ZBP1: variants seen among roughly 807,000 people sequenced by gnomAD.
ZBP1 encodes Z-DNA binding protein 1.
A neutral mutation model predicts 41.1 loss-of-function variants in ZBP1; 42 were observed. That is an observed-to-expected ratio of 1.02 (90% CI 0.80 to 1.32). ZBP1 has a LOEUF of 1.32. ZBP1 is among the 40% of genes most tolerant of loss of function. ZBP1 has a pLI of 0.00. For synonymous variants in ZBP1, 214 were observed against 205.2 expected (o/e 1.04, Z -0.37); for missense variants, 562 against 549.7 (o/e 1.02, Z -0.22).
Position 57,613,861 on chromosome 20 carries a change from G to A in ZBP1, c.503-531C>T, listed in dbSNP as rs1166155656. ...AGACCCCCTCGGGCACCCGTCATGA[G>A]TAGCAGAGTCAGCCCTGCAGAGGTT... On this transcript the variant is annotated intron_variant, in intron 4 of 7. Transcript: ENST00000371173. The surrounding 1 kb of genome is among the most constrained non-coding windows in gnomAD (Gnocchi z 4.5). 1.3e-5 allele frequency among the ~76,000 whole-genome samples: 2 copies of A among 152,228 alleles called. No homozygotes were observed. The highest frequency in any genetic ancestry group is 4.8e-5 in the African/African-American group (2 of 41,458).
rs769728493 is a variant in ZBP1, at chr20:57,616,478, C to T, written c.35-10G>A. 42 of 1,612,348 alleles carry T rather than the reference C, an allele frequency of 2.6e-5. No individual in the cohort carries two copies. The highest frequency in any genetic ancestry group is 1.4e-4 in the South Asian group (13 of 91,018). ...CTTTGTTCAAGGTGGCCTGGGGGAG[C>T]GAGCGGGGGACAGAGAGGGGAACTG... On this transcript the variant is annotated splice_polypyrimidine_tract_variant and intron_variant, in intron 1 of 7. Transcript: ENST00000371173.
At position 57,604,303 on chromosome 20, in the gene ZBP1, G is replaced by A. The variant is rs979022187; in HGVS notation, c.*270C>T. On this transcript the variant is annotated 3_prime_UTR_variant, in exon 8 of 8. Coordinates refer to ENST00000371173, the MANE Select transcript of ZBP1 (RefSeq NM_030776.3). ...AGTGGAGAGAGTCCCCTGGGCCTGG[G>A]GGACCGAGCCCCACTCCCATCTACC... 8.2e-6 allele frequency: 5 copies of A among 609,424 alleles called. No individual in the cohort carries two copies. The highest frequency in any genetic ancestry group is 1.2e-5 in the Non-Finnish European group (4 of 326,028). 37.8% of individuals were successfully genotyped at this position (609,424 alleles called of 1,614,324 possible).
rs568951815 is a variant in ZBP1 at position 57,620,403 on chromosome 20, G to T, written c.-108C>A. ...CGAGGCTGGGGCTTCTGAAGTGGCC[G>T]AGCCTGGTGCTTCTTGCAGCTCTGA... On this transcript the variant is annotated 5_prime_UTR_variant, in exon 1 of 8. Coordinates refer to ENST00000371173, the MANE Select transcript of ZBP1 (RefSeq NM_030776.3). 89 of 1,253,620 alleles carry T rather than the reference G, an allele frequency of 7.1e-5. No individual in the cohort carries two copies. The highest frequency in any genetic ancestry group is 3.3e-6 in the Non-Finnish European group (3 of 898,960). The allele number at this position is 1,253,620 out of a possible 1,614,324, so 77.7% of individuals were successfully genotyped here.
chr20:57,615,776 C>T (rs956335645), intron 2 of ZBP1, 196 bp from the exon 3 acceptor site: 27 of 554,408 alleles, frequency 4.9e-5, no homozygotes, highest in Middle Eastern at 9.4e-4. Flanking sequence ...TTAACTTCTC[C>T]GGGGCTCAGC....
At chr20:57,612,708 C>T (rs1029707607) in intron 5 of ZBP1, among the ~76,000 whole-genome samples, 1 of 152,064 alleles carries the variant, frequency 6.6e-6, no homozygotes, top group Non-Finnish European at 1.5e-5. Flanking sequence ...TGAGATGCAC[C>T]CCAGTTTCCA....
intron 7 of ZBP1, 39 bp from the exon 8 acceptor site, chr20:57,604,808 GTGGCCTGGGCA>G: frequency 6.3e-7 from 1 of 1,588,696 alleles, no homozygotes; most frequent in Non-Finnish European, 8.6e-7. Flanking sequence ...TCATGGGCAC[GTGGCCTGGGCA>G]TTTCCACAGG....
In ZBP1 at chr20:57,611,786, A is replaced by T; in HGVS notation, c.815T>A (p.Met272Lys). Reference sequence around the variant, plus strand: ...CTCGGACGGGACGCCGTGGAGCCTCATCTCATTGCTGTGTCCCAGCTGCAC... The same window carrying T: ...CTCGGACGGGACGCCGTGGAGCCTCTTCTCATTGCTGTGTCCCAGCTGCAC... Reference protein sequence around the residue: ...RRVQLGHSNEMRLHGVPSEGP... With the variant: ...RRVQLGHSNEKRLHGVPSEGP... The change falls in exon 6 of 8, where the codon ATG becomes AAG. Residue 272 changes from methionine (M) to lysine (K), a missense_variant. Transcript: ENST00000371173. 6.2e-7 allele frequency: 1 copy of T among 1,612,840 alleles called. No individual in the cohort carries two copies. Among genetic ancestry groups the T allele is most frequent in the Non-Finnish European group, 8.5e-7 (1 of 1,179,672 alleles).
At chr20:57,618,528 A>C (rs2070905346) in intron 1 of ZBP1, among the ~76,000 whole-genome samples, 1 of 152,172 alleles carries the variant, frequency 6.6e-6, no homozygotes, top group African/African-American at 2.4e-5. Context: ...GGCAGCCAGC[A>C]GCACCTCCAT....
chr20:57,611,672 C>T (rs2070675454), intron 6 of ZBP1, 55 bp downstream of exon 6: 1 of 1,539,458 alleles, frequency 6.5e-7, no homozygotes, highest in African/African-American at 1.4e-5. Context: ...CCAGTTCCTT[C>T]CAGTGAGGAC....
rs746041344 is a variant in ZBP1 at position 57,613,114 on chromosome 20, G to T, written c.670+49C>A. On this transcript the variant is annotated intron_variant, in intron 5 of 7. Coordinates refer to ENST00000371173, the MANE Select transcript of ZBP1 (RefSeq NM_030776.3). This position sits in a 1 kb window ranked among gnomAD's most constrained non-coding sequence, Gnocchi z 4.5. Reference sequence around the variant, plus strand: ...CCCTTTGCCCCCACCCAGAGGATCCGGTGGCTCCCCACCGAGGTCCCCTCC... The same window carrying T: ...CCCTTTGCCCCCACCCAGAGGATCCTGTGGCTCCCCACCGAGGTCCCCTCC... 4 of 1,575,938 alleles carry T rather than the reference G, an allele frequency of 2.5e-6. No individual in the cohort carries two copies. Among genetic ancestry groups the T allele is most frequent in the Non-Finnish European group, 8.6e-7 (1 of 1,158,298 alleles).
chr20:57,615,485 G>C (rs1257720561), intron 3 of ZBP1, 27 bp downstream of exon 3: 1 of 1,610,824 alleles, frequency 6.2e-7, no homozygotes, highest in Admixed American at 1.7e-5. Context: ...TGTGTCCCGG[G>C]AACTGAAGGG....
At chr20:57,612,923 T>C in intron 5 of ZBP1, 2 of 1,332,080 alleles carry the variant, frequency 1.5e-6, no homozygotes, top group East Asian at 5.6e-5. Flanking sequence ...AAAATAAAAA[T>C]TAAATTAAAC....
In ZBP1 at chr20:57,616,259, C is replaced by G. The variant is rs1460050085; in HGVS notation, c.244G>C (p.Ala82Pro). ...TGGCAGTTACCAGGGCTGGACAAGG[C>G]CAGCTCTGCAGGACCCTCGCCTTCA... is the stretch of plus-strand genomic sequence containing the variant. ...DPEGEGPAEL[A>P]LSSPAERPQQ... Residue 82 changes from alanine (A) to proline (P), a missense_variant, in exon 2 of 8, where the codon GCC becomes CCC. Physicochemically the swap from Ala to Pro is conservative, Grantham distance 27. Coordinates refer to ENST00000371173, the MANE Select transcript of ZBP1 (RefSeq NM_030776.3). 1 of 1,614,128 alleles carries G rather than the reference C, an allele frequency of 6.2e-7. No individual in the cohort carries two copies. The highest frequency in any genetic ancestry group is 8.5e-7 in the Non-Finnish European group (1 of 1,179,998).
chr20:57,615,219 A>T (rs192676754), intron 3 of ZBP1, 159 bp from the exon 4 acceptor site: 4 of 823,496 alleles, frequency 4.9e-6, no homozygotes, highest in East Asian at 2.6e-5. Flanking sequence ...GACGCACCGC[A>T]GAGGTGCCCT....
At chr20:57,609,338 A>T (rs1032103704) in intron 7 of ZBP1, among the ~76,000 whole-genome samples, 12 of 152,120 alleles carry the variant, frequency 7.9e-5, no homozygotes, top group African/African-American at 2.4e-4. Context: ...TGGGACGGTG[A>T]ACCGCACTGG....
chr20:57,609,333 C>T (rs998843957), intron 7 of ZBP1, among the ~76,000 whole-genome samples: 14 of 152,290 alleles, frequency 9.2e-5, no homozygotes, highest in East Asian at 3.9e-4. Context: ...GTGGCTGGGA[C>T]GGTGAACCGC....
At position 57,620,395 on chromosome 20, in the gene ZBP1, A is replaced by T. The variant is rs1252974920; in HGVS notation, c.-100T>A. The T allele has an allele frequency of 1.1e-5, 15 of 1,368,842 alleles. No individual in the cohort carries two copies. Among genetic ancestry groups the T allele is most frequent in the Non-Finnish European group, 1.5e-5 (15 of 998,158 alleles). 84.8% of individuals were successfully genotyped at this position (1,368,842 alleles called of 1,614,324 possible). On this transcript the variant is annotated 5_prime_UTR_variant, in exon 1 of 8. Coordinates refer to ENST00000371173, the MANE Select transcript of ZBP1 (RefSeq NM_030776.3). ...GGCTAGGTCGAGGCTGGGGCTTCTGAAGTGGCCGAGCCTGGTGCTTCTTGC... is the reference window on the plus strand; with the variant it reads ...GGCTAGGTCGAGGCTGGGGCTTCTGTAGTGGCCGAGCCTGGTGCTTCTTGC...
rs141358064 is a variant in ZBP1, at chr20:57,613,254, T to C, written c.579A>G (p.Gly193=). The C allele has an allele frequency of 8.2e-5, 133 of 1,614,286 alleles. 1 individual carries two copies. The African/African-American group carries it at 1.4e-3, about 17-fold the overall frequency. ...HNPINMICQN[G]PNSWISIANS... is the part of the protein sequence containing the mutation. ...TTGCAATGGAAATCCAGCTGTTGGG[T>C]CCATTCTGGCAGATCATGTTGATTG... is the stretch of plus-strand genomic sequence containing the variant. Residue 193 remains glycine, a synonymous_variant, in exon 5 of 8, where the codon GGA becomes GGG. Coordinates refer to ENST00000371173, the MANE Select transcript of ZBP1 (RefSeq NM_030776.3). The surrounding 1 kb of genome is among the most constrained non-coding windows in gnomAD (Gnocchi z 4.5).
chr20:57,613,248 G>A lies in ZBP1; in HGVS notation c.585C>T (p.Asn195=), dbSNP rs114498533. 3.1e-6 allele frequency: 5 copies of A among 1,614,278 alleles called. No homozygotes were observed. In the South Asian group the frequency reaches 3.3e-5, roughly 11 times the overall value. ...PINMICQNGP[N]SWISIANSEA... ...CGGAGTTTGCAATGGAAATCCAGCTGTTGGGTCCATTCTGGCAGATCATGT... is the reference window on the plus strand; with the variant it reads ...CGGAGTTTGCAATGGAAATCCAGCTATTGGGTCCATTCTGGCAGATCATGT... The change falls in exon 5 of 8, where the codon AAC becomes AAT. Residue 195 remains asparagine, a synonymous_variant. Transcript: ENST00000371173. The surrounding 1 kb of genome is among the most constrained non-coding windows in gnomAD (Gnocchi z 4.5).
Sources: gnomAD v4.1 joint callset for allele counts (sites outside exome capture counted in the v4.1 genomes callset) on GRCh38, gnomAD v4.1.1 for gene constraint, Gnocchi (gnomAD v3.1) non-coding constraint, MANE v1.5 for transcripts, NCBI Gene and HGNC (gene_info 2026-07-23, HGNC 2026-07-21) for gene names.